ATP10A: variants seen among roughly 807,000 people sequenced by gnomAD.
ATP10A encodes ATPase phospholipid transporting 10A (putative).
In ATP10A, 111 loss-of-function variants were observed where a neutral mutation model predicts 147.8. That is an observed-to-expected ratio of 0.75 (90% CI 0.64 to 0.88). The LOEUF is 0.88. Ranked by LOEUF, ATP10A falls within the 40% of genes least tolerant of loss-of-function variation. The pLI is 0.00. For missense variants in ATP10A, 1,927 were observed against 1,959.0 expected (o/e 0.98, Z 0.31); for synonymous variants, 875 against 841.6 (o/e 1.04, Z -0.69).
intron 1 of ATP10A, among the ~76,000 whole-genome samples, chr15:25,800,842 T>C (rs1890904136): frequency 6.6e-6 from 1 of 152,014 alleles, no homozygotes; most frequent in Non-Finnish European, 1.5e-5. Context: ...TATTTTTTGG[T>C]TTAACTTTAT....
intron 2 of ATP10A, among the ~76,000 whole-genome samples, chr15:25,744,050 G>T (rs1887707909): frequency 6.6e-6 from 1 of 152,106 alleles, no homozygotes; most frequent in African/African-American, 2.4e-5. Context: ...CAAGAGAGGG[G>T]CCTGATAAAC....
intron 2 of ATP10A, among the ~76,000 whole-genome samples, chr15:25,778,390 G>A (rs1183078059): frequency 6.6e-6 from 1 of 151,882 alleles, no homozygotes; most frequent in Non-Finnish European, 1.5e-5. Flanking sequence ...AAAGTCAAGA[G>A]ACTTGCTTCC....
At chr15:25,850,219 C>CAG (rs542539244) in intron 1 of ATP10A, among the ~76,000 whole-genome samples, 10 of 152,082 alleles carry the variant, frequency 6.6e-5, no homozygotes, top group East Asian at 1.9e-4. Flanking sequence ...TTGGCTTGTT[C>CAG]AGAGAGAGAG....
intron 1 of ATP10A, among the ~76,000 whole-genome samples, chr15:25,825,779 A>G (rs1330097607): frequency 6.6e-6 from 1 of 152,188 alleles, no homozygotes. Context: ...TTTAAATGCC[A>G]TTTTCAACAA....
At chr15:25,817,493 T>A (rs1484288787) in intron 1 of ATP10A, among the ~76,000 whole-genome samples, 1 of 152,222 alleles carries the variant, frequency 6.6e-6, no homozygotes. Context: ...ACAACTGAAA[T>A]GCAAATATTA....
chr15:25,681,894 A>T (rs1015416737), intron 17 of ATP10A, among the ~76,000 whole-genome samples: 1 of 152,064 alleles, frequency 6.6e-6, no homozygotes. Context: ...TCTACTAAAC[A>T]TATAGAAAAA....
At chr15:25,795,022 T>A (rs146410304) in intron 1 of ATP10A, among the ~76,000 whole-genome samples, 5 of 152,252 alleles carry the variant, frequency 3.3e-5, no homozygotes, top group South Asian at 2.1e-4. Flanking sequence ...TTTAGAGTAT[T>A]TGGGAGATAG....
chr15:25,770,445 T>G (rs1567370855), intron 2 of ATP10A, among the ~76,000 whole-genome samples: 1 of 152,158 alleles, frequency 6.6e-6, no homozygotes, highest in East Asian at 1.9e-4. Flanking sequence ...TGAGTCTCAG[T>G]GGCTCCTTTG....
At chr15:25,750,406 A>G (rs956449345) in intron 2 of ATP10A, among the ~76,000 whole-genome samples, 12 of 152,000 alleles carry the variant, frequency 7.9e-5, no homozygotes, top group Non-Finnish European at 1.6e-4. Flanking sequence ...ACAAAAGCTG[A>G]AAAAAAATTC....
chr15:25,676,489 A>G (rs958243291), downstream of ATP10A, among the ~76,000 whole-genome samples: 3 of 152,202 alleles, frequency 2.0e-5, no homozygotes, highest in Non-Finnish European at 4.4e-5. Flanking sequence ...GACATTGCCT[A>G]TGTCTCTCTA....
chr15:25,762,053 CAG>C (rs1418332136), intron 2 of ATP10A, among the ~76,000 whole-genome samples: 1 of 152,102 alleles, frequency 6.6e-6, no homozygotes, highest in African/African-American at 2.4e-5. Context: ...GTAAATGACT[CAG>C]GGGTCGGTTC....
chr15:25,707,957 C>T lies in ATP10A; in HGVS notation c.2575+19G>A, dbSNP rs189305249. Reference sequence around the variant, plus strand: ...AAACTCCACACTGCCCTTAGGCATGCGACTCTCAAGTTAATTACCTAACAA... The same window carrying T: ...AAACTCCACACTGCCCTTAGGCATGTGACTCTCAAGTTAATTACCTAACAA... On this transcript the variant is annotated intron_variant, in intron 12 of 20. Transcript: ENST00000555815. 3,934 of 1,612,654 alleles carry T rather than the reference C, an allele frequency of 2.4e-3. 32 individuals carry two copies. The highest frequency in any genetic ancestry group is 0.014 in the South Asian group (1,273 of 91,002).
At chr15:25,735,136 C>T (rs1207497739) in intron 3 of ATP10A, among the ~76,000 whole-genome samples, 2 of 152,118 alleles carry the variant, frequency 1.3e-5, no homozygotes, top group Non-Finnish European at 2.9e-5. Context: ...GCCCCTTGTG[C>T]TGCAGGCGAG....
chr15:25,754,402 G>T (rs1287524640), intron 2 of ATP10A, among the ~76,000 whole-genome samples: 2 of 152,134 alleles, frequency 1.3e-5, no homozygotes, highest in Non-Finnish European at 2.9e-5. Flanking sequence ...AAAAGTTCTG[G>T]GATTACAGGC....
chr15:25,803,796 G>A (rs1325405314), intron 1 of ATP10A, among the ~76,000 whole-genome samples: 2 of 152,192 alleles, frequency 1.3e-5, no homozygotes, highest in East Asian at 3.9e-4. Flanking sequence ...AAACCTCCGT[G>A]GGCCTCGGCT....
At chr15:25,853,906 C>T (rs1465963659) in intron 1 of ATP10A, among the ~76,000 whole-genome samples, 4 of 150,552 alleles carry the variant, frequency 2.7e-5, no homozygotes, top group Non-Finnish European at 4.4e-5. Context: ...TGCACCAGTG[C>T]GCTCCGGCCT....
At chr15:25,848,187 G>A (rs1223733779) in intron 1 of ATP10A, among the ~76,000 whole-genome samples, 1 of 152,072 alleles carries the variant, frequency 6.6e-6, no homozygotes, top group South Asian at 2.1e-4. Flanking sequence ...AATAAACATG[G>A]TATCTGTTTG....
intron 1 of ATP10A, among the ~76,000 whole-genome samples, chr15:25,848,259 G>T (rs1174638893): frequency 6.6e-6 from 1 of 152,134 alleles, no homozygotes; most frequent in Non-Finnish European, 1.5e-5. Context: ...ATGACAACTT[G>T]GTGGCTTGAA....
rs772707390 is a variant in ATP10A, at chr15:25,781,043, C to T, written c.630G>A (p.Gln210=). 2 of 1,614,098 alleles carry T rather than the reference C, an allele frequency of 1.2e-6. No homozygotes were observed. The highest frequency in any genetic ancestry group is 4.5e-5 in the East Asian group (2 of 44,874). Residue 210 remains glutamine (Q), a synonymous_variant, in exon 2 of 21, where the codon CAG becomes CAA. Coordinates refer to ENST00000555815, the MANE Select transcript of ATP10A (RefSeq NM_024490.4). ...LDGETNLKRR[Q]VVRGFSELVS... is the part of the protein sequence containing the mutation. Reference sequence around the variant, plus strand: ...CAAGCTCCGAGAAGCCGCGGACCACCTGCCGCCGCTTCAGGTTGGTCTCTC... The same window carrying T: ...CAAGCTCCGAGAAGCCGCGGACCACTTGCCGCCGCTTCAGGTTGGTCTCTC...
Sources: gnomAD v4.1 joint callset for allele counts (sites outside exome capture counted in the v4.1 genomes callset) on GRCh38, gnomAD v4.1.1 for gene constraint, MANE v1.5 for transcripts, NCBI Gene and HGNC (gene_info 2026-07-23, HGNC 2026-07-21) for gene names.